MATCAP2: variants seen among roughly 807,000 people sequenced by gnomAD.
The protein encoded by MATCAP2 is putative tyrosine carboxypeptidase MATCAP2.
At chr7:36,383,821 T>A in the MATCAP2 span, 1 of 1,377,324 alleles carries the variant, frequency 7.3e-7, no homozygotes, top group Non-Finnish European at 1.0e-6. Context: ...ATAATAATTT[T>A]AAAAAGTGTA....
the MATCAP2 span, among the ~76,000 whole-genome samples, chr7:36,334,686 G>A: frequency 4.6e-4 from 70 of 152,182 alleles, no homozygotes; most frequent in Middle Eastern, 3.4e-3. Context: ...TCTCAAGAGA[G>A]GAGGTATAAC....
chr7:36,367,165 A>T, the MATCAP2 span: 3 of 1,206,922 alleles, frequency 2.5e-6, no homozygotes, highest in Non-Finnish European at 2.1e-6. Context: ...GAAGGTACAC[A>T]CGGCGGCCTT....
the MATCAP2 span, among the ~76,000 whole-genome samples, chr7:36,388,484 A>G: frequency 6.6e-6 from 1 of 152,252 alleles, no homozygotes. Flanking sequence ...TGGACATATT[A>G]TTAAACATAT....
chr7:36,367,725 T>C, the MATCAP2 span, among the ~76,000 whole-genome samples: 1 of 152,230 alleles, frequency 6.6e-6, no homozygotes, highest in African/African-American at 2.4e-5. Flanking sequence ...TTTCAGTTTA[T>C]TATTCATTTT....
chr7:36,378,794 G>C, the MATCAP2 span, among the ~76,000 whole-genome samples: 2 of 152,212 alleles, frequency 1.3e-5, no homozygotes, highest in Non-Finnish European at 2.9e-5. Context: ...ACCTACTCAA[G>C]ACTCAGCAAC....
At chr7:36,362,615 C>T in the MATCAP2 span, among the ~76,000 whole-genome samples, 3 of 152,206 alleles carry the variant, frequency 2.0e-5, no homozygotes, top group Non-Finnish European at 2.9e-5. Context: ...TATGAGGTCA[C>T]TCTTGGTCAG....
the MATCAP2 span, among the ~76,000 whole-genome samples, chr7:36,344,991 A>G: frequency 2.4e-3 from 363 of 152,234 alleles, no homozygotes; most frequent in African/African-American, 8.2e-3. Flanking sequence ...ACCTATCCCT[A>G]TTGTCCAGGT....
chr7:36,325,199 C>T, the MATCAP2 span: 1 of 152,252 alleles, frequency 6.6e-6, no homozygotes, highest in East Asian at 1.9e-4. Flanking sequence ...CAGTCTGCCC[C>T]AGCCTGGCAC....
the MATCAP2 span, among the ~76,000 whole-genome samples, chr7:36,372,019 A>T: frequency 6.6e-6 from 1 of 152,108 alleles, no homozygotes; most frequent in Non-Finnish European, 1.5e-5. Context: ...CCAGTCTGTA[A>T]TACTTCACTT....
chr7:36,342,698 C>T, the MATCAP2 span, among the ~76,000 whole-genome samples: 2 of 152,044 alleles, frequency 1.3e-5, no homozygotes, highest in African/African-American at 2.4e-5. Flanking sequence ...GATCTTGGCT[C>T]ACTGCAACTT....
the MATCAP2 span, among the ~76,000 whole-genome samples, chr7:36,372,772 C>G: frequency 6.6e-6 from 1 of 152,082 alleles, no homozygotes; most frequent in South Asian, 2.1e-4. Context: ...GATATGAAAC[C>G]TACCTTCAAA....
chr7:36,374,483 C>T, the MATCAP2 span, among the ~76,000 whole-genome samples: 10 of 152,204 alleles, frequency 6.6e-5, no homozygotes, highest in South Asian at 4.2e-4. Context: ...AACGTTTTTA[C>T]GTTCTAAGAA....
the MATCAP2 span, among the ~76,000 whole-genome samples, chr7:36,329,106 A>C: frequency 1.3e-5 from 2 of 152,222 alleles, no homozygotes; most frequent in Admixed American, 6.5e-5. Flanking sequence ...ATATTTTATG[A>C]AGGTTTTTAA....
At chr7:36,390,124 G>C in the MATCAP2 span, 1 of 1,603,064 alleles carries the variant, frequency 6.2e-7, no homozygotes, top group Non-Finnish European at 8.5e-7. Flanking sequence ...ACCTCTGGGC[G>C]AACCCCCACC....
At chr7:36,365,678 G>A in the MATCAP2 span, among the ~76,000 whole-genome samples, 1 of 152,188 alleles carries the variant, frequency 6.6e-6, no homozygotes, top group Non-Finnish European at 1.5e-5. Context: ...CACCCTGGGC[G>A]ACAGAGCGAG....
At chr7:36,390,030 G>T in the MATCAP2 span, 1 of 1,614,056 alleles carries the variant, frequency 6.2e-7, no homozygotes, top group South Asian at 1.1e-5. Context: ...TGGGGCGATG[G>T]ATCCGTTTAC....
the MATCAP2 span, among the ~76,000 whole-genome samples, chr7:36,382,779 C>CACCA: frequency 3.9e-5 from 6 of 152,186 alleles, no homozygotes; most frequent in Admixed American, 3.3e-4. Context: ...AGGCGTGAGC[C>CACCA]ACCACGCCCA....
the MATCAP2 span, among the ~76,000 whole-genome samples, chr7:36,344,900 A>G: frequency 6.6e-6 from 1 of 152,320 alleles, no homozygotes; most frequent in South Asian, 2.1e-4. Flanking sequence ...ATAGCGACAT[A>G]AGTAGAAAGC....
chr7:36,328,251 G>GGGGGC, the MATCAP2 span, among the ~76,000 whole-genome samples: 4 of 104,210 alleles, frequency 3.8e-5, no homozygotes, highest in Admixed American at 9.2e-5. Context: ...GGGGGGGGGG[G>GGGGGC]TCTTGCTATG....
Sources: gnomAD v4.1 joint callset for allele counts (sites outside exome capture counted in the v4.1 genomes callset) on GRCh38, gnomAD v4.1.1 for gene constraint, MANE v1.5 for transcripts, NCBI Gene and HGNC (gene_info 2026-07-23, HGNC 2026-07-21) for gene names.